CHRM3: variants seen among roughly 807,000 people sequenced by gnomAD.
The protein encoded by CHRM3 is cholinergic receptor muscarinic 3.
In CHRM3, 11 loss-of-function variants were observed where a neutral mutation model predicts 41.8. That is an observed-to-expected ratio of 0.26 (90% confidence interval 0.17 to 0.44). The LOEUF is 0.44. Ranked by LOEUF, CHRM3 falls within the 20% of genes least tolerant of loss-of-function variation. CHRM3 has a pLI of 1.00. For missense variants in CHRM3, 571 were observed against 745.4 expected (o/e 0.77, Z 2.72); for synonymous variants, 297 against 301.4 (o/e 0.99, Z 0.15).
chr1:239,465,900 G>A (rs1262548383), intron 1 of CHRM3, among the ~76,000 whole-genome samples: 2 of 152,136 alleles, frequency 1.3e-5, no homozygotes, highest in Non-Finnish European at 1.5e-5. Flanking sequence ...AAGACAGCAA[G>A]ACCAACTGCT....
At chr1:239,882,371 A>C (rs1032399172) in intron 6 of CHRM3, among the ~76,000 whole-genome samples, 3 of 152,208 alleles carry the variant, frequency 2.0e-5, no homozygotes, top group Non-Finnish European at 2.9e-5. Context: ...AGTGATACTA[A>C]TAATAATAGC....
chr1:239,597,895 G>C (rs1423195817), intron 3 of CHRM3, among the ~76,000 whole-genome samples: 1 of 124,260 alleles, frequency 8.0e-6, no homozygotes, highest in African/African-American at 2.8e-5. Context: ...GGAGAGCTTT[G>C]ACAAATCTTT....
chr1:239,612,485 C>T (rs955752118), intron 3 of CHRM3, among the ~76,000 whole-genome samples: 1 of 152,112 alleles, frequency 6.6e-6, no homozygotes, highest in Non-Finnish European at 1.5e-5. Flanking sequence ...TGCATGCCCT[C>T]CTCTTCAGAC....
At chr1:239,623,485 T>TG (rs1184671548) in intron 3 of CHRM3, among the ~76,000 whole-genome samples, 1 of 103,840 alleles carries the variant, frequency 9.6e-6, no homozygotes, top group Non-Finnish European at 2.2e-5. Context: ...GTGTATAAGT[T>TG]TTTTTTTTTT....
intron 6 of CHRM3, among the ~76,000 whole-genome samples, chr1:239,830,858 C>A (rs1053412794): frequency 1.3e-5 from 2 of 152,296 alleles, no homozygotes; most frequent in South Asian, 4.1e-4. Flanking sequence ...CTCTCACCCC[C>A]CTGAAACAAC....
chr1:239,409,298 C>T (rs1035927726), intron 1 of CHRM3, among the ~76,000 whole-genome samples: 6 of 152,102 alleles, frequency 3.9e-5, no homozygotes, highest in African/African-American at 1.4e-4. Context: ...ATCTGGTTTT[C>T]AGGATGCTGA....
At chr1:239,547,616 G>A (rs1438304187) in intron 3 of CHRM3, among the ~76,000 whole-genome samples, 1 of 152,120 alleles carries the variant, frequency 6.6e-6, no homozygotes, top group African/African-American at 2.4e-5. Flanking sequence ...GCTTAACACA[G>A]CATCCACACA....
intron 2 of CHRM3, among the ~76,000 whole-genome samples, chr1:239,517,604 T>C (rs1401151264): frequency 6.6e-6 from 1 of 152,214 alleles, no homozygotes; most frequent in Non-Finnish European, 1.5e-5. Flanking sequence ...TTATTGATGG[T>C]AGCCAGGTCA....
chr1:239,484,015 G>A (rs1022161817), intron 1 of CHRM3, among the ~76,000 whole-genome samples: 6 of 152,172 alleles, frequency 3.9e-5, no homozygotes, highest in African/African-American at 7.2e-5. Flanking sequence ...AAGTAAGTGT[G>A]TAGTCTTTTC....
At chr1:239,725,535 T>G (rs1184457347) in intron 5 of CHRM3, among the ~76,000 whole-genome samples, 1 of 151,952 alleles carries the variant, frequency 6.6e-6, no homozygotes, top group African/African-American at 2.4e-5. Context: ...ATAACATAAT[T>G]GCCTCATTTA....
chr1:239,393,631 G>A (rs539748476), intron 1 of CHRM3, among the ~76,000 whole-genome samples: 36 of 152,236 alleles, frequency 2.4e-4, no homozygotes, highest in African/African-American at 7.9e-4. Flanking sequence ...TTCCTTGAGC[G>A]CAGCTATCAT....
intron 1 of CHRM3, among the ~76,000 whole-genome samples, chr1:239,431,138 G>A (rs933886940): frequency 6.6e-6 from 1 of 152,024 alleles, no homozygotes; most frequent in African/African-American, 2.4e-5. Flanking sequence ...GTATTCGCTT[G>A]TTTATGAAAT....
At chr1:239,465,042 A>G (rs1414315485) in intron 1 of CHRM3, among the ~76,000 whole-genome samples, 2 of 152,204 alleles carry the variant, frequency 1.3e-5, no homozygotes, top group Non-Finnish European at 2.9e-5. Flanking sequence ...TTTTTCAAAA[A>G]TCTAATTCAA....
intron 6 of CHRM3, among the ~76,000 whole-genome samples, chr1:239,878,700 G>T (rs1376743681): frequency 6.6e-6 from 1 of 151,850 alleles, no homozygotes; most frequent in Non-Finnish European, 1.5e-5. Flanking sequence ...CAGGTAGCTT[G>T]TCGGACATGA....
At chr1:239,770,336 A>G (rs1414331738) in intron 5 of CHRM3, among the ~76,000 whole-genome samples, 1 of 152,182 alleles carries the variant, frequency 6.6e-6, no homozygotes, top group Non-Finnish European at 1.5e-5. Context: ...CAGTTTAATC[A>G]GTAATGCCTG....
intron 5 of CHRM3, among the ~76,000 whole-genome samples, chr1:239,754,349 G>C (rs1666070026): frequency 6.6e-6 from 1 of 152,186 alleles, no homozygotes; most frequent in African/African-American, 2.4e-5. Context: ...ATTTTAACCT[G>C]CATGTTTTTG....
At chr1:239,772,028 G>T (rs141544292) in intron 5 of CHRM3, among the ~76,000 whole-genome samples, 1 of 152,160 alleles carries the variant, frequency 6.6e-6, no homozygotes, top group East Asian at 1.9e-4. Context: ...GATAAAATAG[G>T]TGATACAGTG....
intron 3 of CHRM3, among the ~76,000 whole-genome samples, chr1:239,569,475 G>A (rs996522999): frequency 1.1e-4 from 16 of 151,956 alleles, no homozygotes; most frequent in Admixed American, 9.2e-4. Context: ...TAAATACTGC[G>A]ATAACACAAA....
chr1:239,630,422 A>G (rs956418936), intron 3 of CHRM3, among the ~76,000 whole-genome samples: 2 of 152,198 alleles, frequency 1.3e-5, no homozygotes, highest in Admixed American at 1.3e-4. Flanking sequence ...TTTCAGTGAG[A>G]GGACTGACAC....
Sources: gnomAD v4.1 joint callset for allele counts (sites outside exome capture counted in the v4.1 genomes callset) on GRCh38, gnomAD v4.1.1 for gene constraint, MANE v1.5 for transcripts, NCBI Gene and HGNC (gene_info 2026-07-23, HGNC 2026-07-21) for gene names.